Variants in BTD observed in about 807,000 individuals in gnomAD.
The protein encoded by BTD is biocytinase.
In BTD, 13 loss-of-function variants were observed where a neutral mutation model predicts 17.7. That is an observed-to-expected ratio of 0.74 (90% CI 0.48 to 1.17). The LOEUF is 1.17. Ranked by LOEUF, BTD falls within the 50% of genes most tolerant of loss-of-function variation. BTD has a pLI of 0.00. For synonymous variants in BTD, 240 were observed against 245.2 expected, an observed-to-expected ratio of 0.98 and a Z score of 0.20; for missense variants, 674 against 650.4, an observed-to-expected ratio of 1.04 and a Z score of -0.39.
At chr3:15,675,911 T>C (rs1392599411) in intron 3 of BTD, 2 of 1,610,854 alleles carry the variant, frequency 1.2e-6, no homozygotes, top group Non-Finnish European at 1.7e-6. Flanking sequence ...TTTCATCTAC[T>C]GCAAGCACAC....
At chr3:15,691,095 A>G (rs2068737106) in intron 3 of BTD, among the ~76,000 whole-genome samples, 1 of 152,148 alleles carries the variant, frequency 6.6e-6, no homozygotes, top group Non-Finnish European at 1.5e-5. Flanking sequence ...GTACAAAAGT[A>G]AGACTGAAGA....
chr3:15,634,810 C>T (rs576088428), intron 1 of BTD, among the ~76,000 whole-genome samples: 10 of 152,158 alleles, frequency 6.6e-5, no homozygotes, highest in Non-Finnish European at 1.3e-4. Flanking sequence ...AAGAAAGTAG[C>T]TATTGGCATT....
intron 3 of BTD, among the ~76,000 whole-genome samples, chr3:15,666,070 T>C (rs2065983047): frequency 6.6e-6 from 1 of 152,202 alleles, no homozygotes; most frequent in Admixed American, 6.5e-5. Context: ...GATCCACTCC[T>C]GAGGGCAAAC....
intron 1 of BTD, among the ~76,000 whole-genome samples, chr3:15,603,593 C>T (rs957676721): frequency 6.6e-6 from 1 of 152,096 alleles, no homozygotes; most frequent in Non-Finnish European, 1.5e-5. Context: ...GGAGGCAGAG[C>T]TTGCAGTGAG....
chr3:15,684,761 C>A, intron 3 of BTD: 1 of 154,824 alleles, frequency 6.5e-6, no homozygotes, highest in Non-Finnish European at 1.4e-5. Flanking sequence ...TACAAGCACA[C>A]TATATAAAAG....
intron 3 of BTD, chr3:15,707,832 G>A: frequency 4.1e-6 from 6 of 1,450,760 alleles, no homozygotes; most frequent in Middle Eastern, 2.1e-4. Flanking sequence ...AAAATACAAA[G>A]AGGAAACACA....
intron 3 of BTD, among the ~76,000 whole-genome samples, chr3:15,703,531 G>A (rs1368601064): frequency 2.6e-5 from 4 of 152,360 alleles, no homozygotes; most frequent in African/African-American, 9.6e-5. Context: ...GATATGGCAA[G>A]AATATGCCCT....
chr3:15,686,196 T>C lies in BTD; in HGVS notation c.400-23864T>C, dbSNP rs201672117. Reference sequence around the variant, plus strand: ...GTTTTCGAAATACGCCCTTCTGTGATGCAACAATTATTTATCGAAACTTAC... The same window carrying C: ...GTTTTCGAAATACGCCCTTCTGTGACGCAACAATTATTTATCGAAACTTAC... On this transcript the variant is annotated intron_variant, in intron 3 of 3. Transcript: ENST00000672141. 5.0e-6 allele frequency: 8 copies of C among 1,589,402 alleles called. No individual in the cohort carries two copies. The South Asian group carries it at 5.7e-5, about 11-fold the overall frequency.
At chr3:15,614,122 TTTC>T (rs1232000174) in intron 1 of BTD, among the ~76,000 whole-genome samples, 2,090 of 137,528 alleles carry the variant, frequency 0.015, 36 homozygotes, top group African/African-American at 0.051. Context: ...TCTTTCTTTC[TTTC>T]TTTTTTTTTT....
At chr3:15,658,259 CA>C (rs1446232313), downstream of BTD, among the ~76,000 whole-genome samples, 6 of 152,120 alleles carry the variant, frequency 3.9e-5, no homozygotes, top group African/African-American at 1.2e-4. Flanking sequence ...CTCCTGTCCA[CA>C]GTGTCCTATG....
chr3:15,693,293 C>T (rs899688689), intron 3 of BTD, among the ~76,000 whole-genome samples: 4 of 151,634 alleles, frequency 2.6e-5, no homozygotes, highest in Admixed American at 6.6e-5. Flanking sequence ...TATACACATA[C>T]AAAATCTCTG....
chr3:15,708,378 A>C (rs1347154469), intron 3 of BTD, among the ~76,000 whole-genome samples: 1 of 152,162 alleles, frequency 6.6e-6, no homozygotes, highest in Non-Finnish European at 1.5e-5. Context: ...AAATGTGAAA[A>C]CTTTCATTTT....
intron 3 of BTD, among the ~76,000 whole-genome samples, chr3:15,694,983 A>T (rs1420648437): frequency 6.6e-6 from 1 of 152,182 alleles, no homozygotes; most frequent in Non-Finnish European, 1.5e-5. Context: ...AGCTTTGAAG[A>T]CAGGCATAAG....
chr3:15,660,169 A>T (rs1316613156), intron 3 of BTD, among the ~76,000 whole-genome samples: 2 of 152,340 alleles, frequency 1.3e-5, no homozygotes, highest in Non-Finnish European at 1.5e-5. Flanking sequence ...GGGAGAAGTT[A>T]GGAGATTTGC....
chr3:15,713,032 T>C (rs2072528268), downstream of BTD, among the ~76,000 whole-genome samples: 1 of 152,150 alleles, frequency 6.6e-6, no homozygotes, highest in African/African-American at 2.4e-5. Flanking sequence ...TCAAACAAAA[T>C]ATTACAATGG....
chr3:15,678,738 A>G (rs915602514), intron 3 of BTD, among the ~76,000 whole-genome samples: 3 of 152,340 alleles, frequency 2.0e-5, no homozygotes, highest in African/African-American at 4.8e-5. Context: ...TGTTAACAAT[A>G]ATCTTTGGGA....
chr3:15,646,659 T>A lies in BTD; in HGVS notation c.*1171T>A, dbSNP rs911125479. ...TTTGACTGCATGCCTAGTAGCTGTT[T>A]CAGATCATTTTTTAAGTACAGAATG... On this transcript the variant is annotated 3_prime_UTR_variant, in exon 4 of 4. Coordinates refer to ENST00000643237, the MANE Select transcript of BTD (RefSeq NM_001370658.1). The A allele has an allele frequency of 3.7e-4, 57 of 152,254 alleles. No homozygotes were observed. The highest frequency in any genetic ancestry group is 1.4e-3 in the African/African-American group (56 of 41,468). The allele number at this position is 152,254 out of a possible 1,614,324, so 9.4% of individuals were successfully genotyped here. A position where few individuals can be genotyped will look rare whatever the true frequency, so the allele number is the denominator to read the frequency against.
At chr3:15,675,470 G>A (rs774994497) in intron 3 of BTD, among the ~76,000 whole-genome samples, 3 of 152,220 alleles carry the variant, frequency 2.0e-5, no homozygotes, top group South Asian at 2.1e-4. Context: ...GGAAGAGAGC[G>A]AAAAATGTTA....
rs180898873 is a variant in BTD, at chr3:15,674,154, A to C, written c.399+32097A>C. The stretch of plus-strand genomic sequence containing the variant: ...ACCACTGTACTCTAGTCTGGGCAAC[A>C]GAGTGAGACCCTGCCTCTTCAAAAA... On this transcript the variant is annotated intron_variant, in intron 3 of 3. Coordinates refer to the BTD transcript ENST00000672141. Among the ~76,000 whole-genome samples, 811 of 130,608 alleles carry C rather than the reference A, an allele frequency of 6.2e-3. 9 individuals are homozygous for C. The highest frequency in any genetic ancestry group is 0.046 in the South Asian group (165 of 3,614). 85.7% of individuals were successfully genotyped at this position (130,608 alleles called of 152,430 possible).
Sources: gnomAD v4.1 joint callset for allele counts (sites outside exome capture counted in the v4.1 genomes callset) on GRCh38, gnomAD v4.1.1 for gene constraint, MANE v1.5 for transcripts, NCBI Gene and HGNC (gene_info 2026-07-23, HGNC 2026-07-21) for gene names.